Variants in BEST1 observed in about 807,000 individuals in gnomAD.
BEST1 encodes the protein bestrophin 1, also known as bestrophin-1.
Under a neutral mutation model 63.3 loss-of-function variants are expected in BEST1, and 58 were observed. That is an observed-to-expected ratio of 0.92 (90% confidence interval 0.74 to 1.14). BEST1 has a LOEUF of 1.14. Ranked by LOEUF, BEST1 falls within the 50% of genes most tolerant of loss-of-function variation. The pLI is 0.00. For missense variants in BEST1, 671 were observed against 740.1 expected, an observed-to-expected ratio of 0.91 and a Z score of 1.08; for synonymous variants, 283 against 291.6, an observed-to-expected ratio of 0.97 and a Z score of 0.30.
chr11:61,963,935 T>C (rs1449184161), intron 10 of BEST1, 169 bp from the exon 11 acceptor site: 31 of 1,440,830 alleles, frequency 2.2e-5, no homozygotes, highest in African/African-American at 4.3e-5. Flanking sequence ...GAGGTGGTGG[T>C]TGCAGTGAGA....
At chr11:61,963,739 T>C (rs1942310521) in intron 10 of BEST1, 4 of 1,166,322 alleles carry the variant, frequency 3.4e-6, no homozygotes, top group Non-Finnish European at 4.3e-6. Context: ...AGGATGTTAA[T>C]ATTTAAGAAT....
At chr11:61,963,332 C>G in intron 10 of BEST1, 1 of 1,316,876 alleles carries the variant, frequency 7.6e-7, no homozygotes, top group Non-Finnish European at 9.6e-7. Context: ...GGGTAGTACC[C>G]AAGCACTACA....
intron 8 of BEST1, 83 bp from the exon 9 acceptor site, chr11:61,959,809 A>G: frequency 6.4e-7 from 1 of 1,567,160 alleles, no homozygotes; most frequent in South Asian, 1.1e-5. Flanking sequence ...AGAGAGGGAG[A>G]GATTCCTCCA....
At position 61,951,752 on chromosome 11, in the gene BEST1, C is replaced by T. The variant is rs556703749; in HGVS notation, c.-36-19C>T. On this transcript the variant is annotated intron_variant, in intron 1 of 10. Coordinates refer to ENST00000378043, the MANE Select transcript of BEST1 (RefSeq NM_004183.4). ...CCTCTGATCCCTACAAACCCCCAAT[C>T]GGTGTCCCTCTCTACCAGGACCCAA... The T allele has an allele frequency of 1.2e-4, 187 of 1,604,366 alleles. No homozygotes were observed. The African/African-American group carries it at 2.2e-3, about 19-fold the overall frequency.
Position 61,955,757 on chromosome 11 carries a change from A to T in BEST1, c.287A>T (p.Gln96Leu). ...CTGGTCGTGACCCGCTGGTGGAACCAGTACGAGAACCTGCCGTGGCCCGAC... is the reference window on the plus strand; with the variant it reads ...CTGGTCGTGACCCGCTGGTGGAACCTGTACGAGAACCTGCCGTGGCCCGAC... The part of the protein sequence containing the change: ...VTLVVTRWWN[Q>L]YENLPWPDRL... Residue 96 changes from glutamine to leucine, a missense_variant, in exon 4 of 11, where the codon CAG becomes CTG. Physicochemically the swap from Gln to Leu is moderately radical, Grantham distance 113. Coordinates refer to ENST00000378043, the MANE Select transcript of BEST1 (RefSeq NM_004183.4). 1 of 1,547,818 alleles carries T rather than the reference A, an allele frequency of 6.5e-7. No homozygotes were observed. The highest frequency in any genetic ancestry group is 1.2e-5 in the South Asian group (1 of 83,998).
At chr11:61,954,381 T>C (rs1428230204) in intron 2 of BEST1, among the ~76,000 whole-genome samples, 2 of 152,238 alleles carry the variant, frequency 1.3e-5, no homozygotes, top group Admixed American at 1.3e-4. Context: ...TGTGTAATGA[T>C]GTCTCCACCA....
chr11:61,958,902 ACACATACACACACACACACACG>A (rs1373396910), intron 7 of BEST1: 250 of 27,626 alleles, frequency 9.0e-3, no homozygotes, highest in African/African-American at 0.024. Flanking sequence ...ACACACACAC[ACACATACACACACACACACACG>A]CATTCCTATT....
At chr11:61,955,230 T>G (rs1400787296) in intron 3 of BEST1, 29 bp downstream of exon 3, 1 of 1,576,252 alleles carries the variant, frequency 6.3e-7, no homozygotes, top group Non-Finnish European at 8.6e-7. Context: ...CTGTTCCGGG[T>G]CCCTGTGGCC....
chr11:61,952,093 C>A, intron 2 of BEST1, 135 bp downstream of exon 2: 1 of 1,128,162 alleles, frequency 8.9e-7, no homozygotes, highest in Admixed American at 1.9e-5. Flanking sequence ...CTGACCAGGT[C>A]CTGGGCACTG....
At chr11:61,951,992 G>A (rs1190492602) in intron 2 of BEST1, 34 bp downstream of exon 2, 1 of 1,610,528 alleles carries the variant, frequency 6.2e-7, no homozygotes, top group Non-Finnish European at 8.5e-7. Context: ...GGGGGCCTGG[G>A]AAGGATGTGG....
chr11:61,955,815 A>AGGCAAGGACG lies in BEST1; in HGVS notation c.346_355dup (p.Glu119GlyfsTer116), dbSNP rs1333746522. 6.4e-7 allele frequency: 1 copy of AGGCAAGGACG among 1,550,582 alleles called. No homozygotes were observed. Among genetic ancestry groups the AGGCAAGGACG allele is most frequent in the Non-Finnish European group, 8.7e-7 (1 of 1,146,940 alleles). The stretch of plus-strand genomic sequence containing the variant: ...TGAGCCTGGTGTCGGGCTTCGTCGA[A>AGGCAAGGACG]GGCAAGGACGAGCAAGGCCGGCTGC... On this transcript the variant is annotated frameshift_variant, in exon 4 of 11. Transcript: ENST00000378043. LOFTEE classifies it high-confidence loss of function.
At chr11:61,950,479 G>T (rs541230215) in intron 1 of BEST1, 52 bp downstream of exon 1, 2 of 152,854 alleles carry the variant, frequency 1.3e-5, no homozygotes, top group East Asian at 1.9e-4. Flanking sequence ...AGGCCTTCAG[G>T]GTTGGATGGC....
intron 2 of BEST1, 128 bp downstream of exon 2, chr11:61,952,086 A>T (rs1940736969): frequency 2.5e-6 from 3 of 1,211,202 alleles, no homozygotes; most frequent in Non-Finnish European, 3.6e-6. Context: ...TGAGCTCCTG[A>T]CCAGGTCCTG....
At chr11:61,953,362 G>C (rs1459335285) in intron 2 of BEST1, among the ~76,000 whole-genome samples, 2 of 152,042 alleles carry the variant, frequency 1.3e-5, no homozygotes, top group African/African-American at 4.8e-5. Flanking sequence ...GATCACTTGA[G>C]CCCAGGAGTT....
At position 61,952,018 on chromosome 11, in the gene BEST1, C is replaced by G. The variant is rs574693010; in HGVS notation, c.152+60C>G. ...AAGGATGTGGCTGGGGCTGGGAGCT[C>G]CTGGGGGCCTCCCAGCCAGCTCAGG... On this transcript the variant is annotated intron_variant, in intron 2 of 10. Coordinates refer to ENST00000378043, the MANE Select transcript of BEST1 (RefSeq NM_004183.4). 2.7e-5 allele frequency: 43 copies of G among 1,588,412 alleles called. 1 individual carries two copies. In the Admixed American group the frequency reaches 5.7e-4, roughly 21 times the overall value.
chr11:61,958,696 G>A, intron 7 of BEST1: 1 of 464,800 alleles, frequency 2.2e-6, no homozygotes. Context: ...GCTTGTCCAG[G>A]TATTCCCTCC....
rs376823393 is a variant in BEST1, at chr11:61,955,201, G to A, written c.247G>A (p.Gly83Ser). ...GCTCATCCCCATTTCCTTCGTGCTG[G>A]GTGAGTTCCCCCTTCTGGCTGTTCC... ...IQLIPISFVL[G>S]FYVTLVVTRW... The change falls in exon 3 of 11, where the codon GGC (glycine) becomes AGC (serine). Residue 83 changes from glycine (G) to serine (S), a missense_variant and splice_region_variant. Transcript: ENST00000378043. 1.9e-6 allele frequency: 3 copies of A among 1,614,000 alleles called. No homozygotes were observed. The highest frequency in any genetic ancestry group is 2.7e-5 in the African/African-American group (2 of 74,900).
intron 6 of BEST1, among the ~76,000 whole-genome samples, chr11:61,957,831 C>G (rs1396150128): frequency 1.3e-5 from 2 of 152,098 alleles, no homozygotes; most frequent in African/African-American, 4.8e-5. Context: ...ACAGAATTAG[C>G]TGTGTGGTGG....
intron 4 of BEST1, 68 bp from the exon 5 acceptor site, chr11:61,956,776 G>A: frequency 6.3e-7 from 1 of 1,592,192 alleles, no homozygotes; most frequent in Non-Finnish European, 8.6e-7. Context: ...GTTCCTATAG[G>A]TCAGCAGGTG....
Sources: gnomAD v4.1 joint callset for allele counts (sites outside exome capture counted in the v4.1 genomes callset) on GRCh38, gnomAD v4.1.1 for gene constraint, MANE v1.5 for transcripts, NCBI Gene and HGNC (gene_info 2026-07-23, HGNC 2026-07-21) for gene names.